MB21D2: variants seen among roughly 807,000 people sequenced by gnomAD.
MB21D2 encodes the protein Mab-21 domain containing 2, also known as nucleotidyltransferase MB21D2.
A neutral mutation model predicts 33.3 loss-of-function variants in MB21D2; 9 were observed. The ratio of observed to expected loss-of-function variants is 0.27; its 90% CI spans 0.16 to 0.47. The LOEUF (loss-of-function observed/expected upper bound fraction) is 0.47, where lower values mean the gene tolerates loss of function less well. MB21D2 is among the 20% of genes least tolerant of loss of function. The pLI is 0.99. For synonymous variants in MB21D2, 241 were observed against 236.3 expected, an observed-to-expected ratio of 1.02 and a Z score of -0.18; for missense variants, 540 against 624.6, an observed-to-expected ratio of 0.86 and a Z score of 1.44.
intron 1 of MB21D2, among the ~76,000 whole-genome samples, chr3:192,913,008 C>T (rs1714387376): frequency 6.6e-6 from 1 of 152,232 alleles, no homozygotes; most frequent in African/African-American, 2.4e-5. Flanking sequence ...GTAGCTAGCA[C>T]AATGGTCAGC....
chr3:192,849,987 T>C (rs1712764503), intron 1 of MB21D2, among the ~76,000 whole-genome samples: 1 of 151,838 alleles, frequency 6.6e-6, no homozygotes, highest in Non-Finnish European at 1.5e-5. Flanking sequence ...GGTGCGATCT[T>C]GGCTCACGGC....
At chr3:192,888,981 C>A (rs1033136359) in intron 1 of MB21D2, among the ~76,000 whole-genome samples, 1 of 151,972 alleles carries the variant, frequency 6.6e-6, no homozygotes, top group African/African-American at 2.4e-5. Flanking sequence ...TCTCTACCAG[C>A]TCAAATCATG....
intron 1 of MB21D2, among the ~76,000 whole-genome samples, chr3:192,846,007 C>T: frequency 6.6e-6 from 1 of 152,056 alleles, no homozygotes; most frequent in Admixed American, 6.5e-5. Flanking sequence ...CACTTGAGCC[C>T]CTGGAGGTTA....
At chr3:192,897,873 T>C (rs1451627458) in intron 1 of MB21D2, among the ~76,000 whole-genome samples, 1 of 151,894 alleles carries the variant, frequency 6.6e-6, no homozygotes, top group Non-Finnish European at 1.5e-5. Context: ...TCCCAGCTAC[T>C]GGGGAGGTGG....
At chr3:192,856,445 T>C (rs1712918177) in intron 1 of MB21D2, among the ~76,000 whole-genome samples, 1 of 152,312 alleles carries the variant, frequency 6.6e-6, no homozygotes, top group African/African-American at 2.4e-5. Flanking sequence ...AATTAGGCAA[T>C]AAGCACCAGG....
In MB21D2 at chr3:192,799,826, C is replaced by G. The variant is rs1711518043; in HGVS notation, c.212-176G>C. Among the ~76,000 whole-genome samples, 2 of 152,176 alleles carry G rather than the reference C, an allele frequency of 1.3e-5. No individual in the cohort carries two copies. The highest frequency in any genetic ancestry group is 1.3e-4 in the Admixed American group (2 of 15,276). On this transcript the variant is annotated intron_variant, in intron 1 of 1. Transcript: ENST00000392452. The surrounding 1 kb of genome is among the most constrained non-coding windows in gnomAD (Gnocchi z 4.1). ...AGTACTTTCTCACTAGTGCTAGAAT[C>G]CACCCTTTTCCAAATGCAAGAATTA...
chr3:192,882,348 T>C (rs1156655944), intron 1 of MB21D2, among the ~76,000 whole-genome samples: 1 of 149,596 alleles, frequency 6.7e-6, no homozygotes, highest in African/African-American at 2.5e-5. Flanking sequence ...GTGCTGGGAT[T>C]ACAGGCATGA....
chr3:192,800,747 C>T (rs1711546823), intron 1 of MB21D2, among the ~76,000 whole-genome samples: 1 of 152,110 alleles, frequency 6.6e-6, no homozygotes, highest in Non-Finnish European at 1.5e-5. Flanking sequence ...GCTGAACTAG[C>T]CTCTTTGTTC....
At chr3:192,800,721 C>T (rs1317540337) in intron 1 of MB21D2, among the ~76,000 whole-genome samples, 1 of 152,152 alleles carries the variant, frequency 6.6e-6, no homozygotes, top group Non-Finnish European at 1.5e-5. Context: ...AAAGCACTCA[C>T]GTAACTGAGT....
intron 1 of MB21D2, among the ~76,000 whole-genome samples, chr3:192,869,770 C>T (rs943047443): frequency 2.0e-5 from 3 of 152,150 alleles, no homozygotes; most frequent in African/African-American, 7.2e-5. Context: ...CCAGCCTGCA[C>T]AGGACACAGC....
intron 1 of MB21D2, among the ~76,000 whole-genome samples, chr3:192,885,494 T>C (rs1713712541): frequency 6.6e-6 from 1 of 152,036 alleles, no homozygotes; most frequent in Admixed American, 6.5e-5. Flanking sequence ...TGCCTCCACA[T>C]GCACAGCAGG....
rs1184170559 is a variant in MB21D2 at position 192,797,840 on chromosome 3, C to T, written c.*546G>A. ...GTAGTATTATCACTTTCAAAGTTTACATTGTTTGGTGGAAAAGGGGGGAAA... is the reference window on the plus strand; with the variant it reads ...GTAGTATTATCACTTTCAAAGTTTATATTGTTTGGTGGAAAAGGGGGGAAA... On this transcript the variant is annotated 3_prime_UTR_variant, in exon 2 of 2. Coordinates refer to ENST00000392452, the MANE Select transcript of MB21D2 (RefSeq NM_178496.4). 2.6e-5 allele frequency: 4 copies of T among 152,902 alleles called. No individual in the cohort carries two copies. The highest frequency in any genetic ancestry group is 2.6e-4 in the Admixed American group (4 of 15,332). 9.5% of individuals were successfully genotyped at this position (152,902 alleles called of 1,614,324 possible). A position where few individuals can be genotyped will look rare whatever the true frequency, so the allele number is the denominator to read the frequency against.
At chr3:192,891,728 C>G (rs987613130) in intron 1 of MB21D2, among the ~76,000 whole-genome samples, 1 of 152,098 alleles carries the variant, frequency 6.6e-6, no homozygotes. Context: ...TGGTAAACTA[C>G]TTAACATTTC....
chr3:192,873,377 A>G (rs933910034), intron 1 of MB21D2, among the ~76,000 whole-genome samples: 1 of 152,166 alleles, frequency 6.6e-6, no homozygotes, highest in African/African-American at 2.4e-5. Context: ...GTAATTTATA[A>G]TATTTATGAT....
At chr3:192,917,521 C>T (rs551462140) in intron 1 of MB21D2, 109 bp downstream of exon 1, 28 of 1,189,896 alleles carry the variant, frequency 2.4e-5, no homozygotes, top group Non-Finnish European at 3.3e-5. Flanking sequence ...GGCACCGGCT[C>T]GGGAAGGCAA....
intron 1 of MB21D2, among the ~76,000 whole-genome samples, chr3:192,858,491 G>A (rs952466599): frequency 3.3e-5 from 5 of 152,144 alleles, no homozygotes; most frequent in East Asian, 1.9e-4. Context: ...AAATGTGAAC[G>A]GACCATGCAA....
At chr3:192,863,480 C>T (rs566673475) in intron 1 of MB21D2, among the ~76,000 whole-genome samples, 8 of 152,202 alleles carry the variant, frequency 5.3e-5, no homozygotes, top group South Asian at 2.1e-4. Context: ...AACGTTAGCA[C>T]ATGGTGTAAG....
chr3:192,858,570 C>A (rs1406341471), intron 1 of MB21D2, among the ~76,000 whole-genome samples: 1 of 152,216 alleles, frequency 6.6e-6, no homozygotes, highest in Non-Finnish European at 1.5e-5. Flanking sequence ...TCAGGATTCA[C>A]ATTTCCCCCT....
chr3:192,917,585 T>TCACACACA (rs564777411), intron 1 of MB21D2, 45 bp downstream of exon 1: 1 of 1,474,782 alleles, frequency 6.8e-7, no homozygotes, highest in African/African-American at 1.4e-5. Flanking sequence ...CCGCTTCCCA[T>TCACACACA]CACACACACA....
Sources: gnomAD v4.1 joint callset for allele counts (sites outside exome capture counted in the v4.1 genomes callset) on GRCh38, gnomAD v4.1.1 for gene constraint, Gnocchi (gnomAD v3.1) non-coding constraint, MANE v1.5 for transcripts, NCBI Gene and HGNC (gene_info 2026-07-23, HGNC 2026-07-21) for gene names.